NEB: variants seen among roughly 807,000 people sequenced by gnomAD.
NEB encodes the protein nebulin.
A neutral mutation model predicts 952.2 loss-of-function variants in NEB; 512 were observed. The ratio of observed to expected loss-of-function variants is 0.54; its 90% confidence interval spans 0.50 to 0.58. NEB has a LOEUF of 0.58. Ranked by LOEUF, NEB falls within the 20% of genes least tolerant of loss-of-function variation. The probability of loss-of-function intolerance (pLI) is 0.00; values close to 1 mark genes in which losing one functional copy is unlikely to be tolerated. For synonymous variants in NEB, 2,900 were observed against 3,149.8 expected (o/e 0.92, Z 2.66); for missense variants, 8,428 against 9,231.1 (o/e 0.91, Z 3.56).
intron 46 of NEB, among the ~76,000 whole-genome samples, chr2:151,659,641 C>T (rs191576590): frequency 3.9e-5 from 6 of 152,240 alleles, no homozygotes; most frequent in Admixed American, 3.9e-4. Flanking sequence ...TCAAACAATA[C>T]AGCAGGGAGG....
At chr2:151,619,863 G>C (rs2098341715) in intron 72 of NEB, 101 bp from the exon 73 acceptor site, 3 of 1,259,988 alleles carry the variant, frequency 2.4e-6, no homozygotes, top group Non-Finnish European at 3.3e-6. Flanking sequence ...AGGCAACAGA[G>C]GAGTTTCACT....
chr2:151,591,752 A>T (rs2097279815), intron 95 of NEB, among the ~76,000 whole-genome samples: 1 of 152,310 alleles, frequency 6.6e-6, no homozygotes, highest in African/African-American at 2.4e-5. Flanking sequence ...GCAATGATGG[A>T]TGGCCCACTA....
chr2:151,694,041 T>C (rs2099577762), intron 20 of NEB, among the ~76,000 whole-genome samples: 1 of 152,214 alleles, frequency 6.6e-6, no homozygotes, highest in South Asian at 2.1e-4. Flanking sequence ...AGCTCGTTTC[T>C]AGGAAAAATA....
In NEB at chr2:151,656,148, C is replaced by T; in HGVS notation, c.6495+5G>A. On this transcript the variant is annotated splice_donor_5th_base_variant and intron_variant, in intron 49 of 181. Transcript: ENST00000397345. ...AACCATCACCCAAGTAGAAGAAAGCCTTACATCACTCTGTATGCGATTCAT... is the reference window on the plus strand; with the variant it reads ...AACCATCACCCAAGTAGAAGAAAGCTTTACATCACTCTGTATGCGATTCAT... 2 of 1,580,718 alleles carry T rather than the reference C, an allele frequency of 1.3e-6. No homozygotes were observed. Among genetic ancestry groups the T allele is most frequent in the South Asian group, 1.2e-5 (1 of 84,420 alleles).
In NEB at chr2:151,525,562, C is replaced by A. The variant is rs16830143; in HGVS notation, c.22162-289G>T. 2.6e-3 allele frequency among the ~76,000 whole-genome samples: 400 copies of A among 152,126 alleles called. 10 individuals are homozygous for A. In the East Asian group the frequency reaches 0.069, roughly 26 times the overall value. On this transcript the variant is annotated intron_variant, in intron 150 of 181. Coordinates refer to ENST00000397345, the MANE Select transcript of NEB (RefSeq NM_001164508.2). ...GAACCATATGGGACTCATATAATAC[C>A]AAGGTTACTACAGCATTATTGATAA... is the stretch of plus-strand genomic sequence containing the variant.
Position 151,695,319 on chromosome 2 carries a change from T to C in NEB, c.1674+259A>G, listed in dbSNP as rs6736236. Among the ~76,000 whole-genome samples the C allele has an allele frequency of 7.6e-4, 116 of 152,310 alleles. 1 individual carries two copies. Among genetic ancestry groups the C allele is most frequent in the African/African-American group, 2.6e-3 (110 of 41,558 alleles). Reference sequence around the variant, plus strand: ...ATTAAAATTTGCAATTAAGCATACATGAGACGTAGCATTCTGAGGGCTGGT... The same window carrying C: ...ATTAAAATTTGCAATTAAGCATACACGAGACGTAGCATTCTGAGGGCTGGT... On this transcript the variant is annotated intron_variant, in intron 18 of 181. Coordinates refer to ENST00000397345, the MANE Select transcript of NEB (RefSeq NM_001164508.2).
intron 147 of NEB, 120 bp from the exon 148 acceptor site, chr2:151,527,142 A>G: frequency 1.5e-6 from 1 of 678,848 alleles, no homozygotes; most frequent in Non-Finnish European, 2.5e-6. Flanking sequence ...TACCAGAATG[A>G]GGAGAAGAGC....
At chr2:151,535,669 G>T in intron 142 of NEB, 22 bp downstream of exon 142, 1 of 1,457,946 alleles carries the variant, frequency 6.9e-7, no homozygotes, top group Non-Finnish European at 9.5e-7. Flanking sequence ...AGGCTTAATT[G>T]GAGCAGTTTA....
chr2:151,512,234 C>T (rs1485430595), intron 161 of NEB, among the ~76,000 whole-genome samples: 6 of 151,964 alleles, frequency 3.9e-5, no homozygotes, highest in Admixed American at 2.0e-4. Flanking sequence ...TAGAGTTTCA[C>T]CGTGTTAGCC....
chr2:151,670,284 G>A (rs1328115185), intron 38 of NEB, among the ~76,000 whole-genome samples: 1 of 152,088 alleles, frequency 6.6e-6, no homozygotes, highest in Non-Finnish European at 1.5e-5. Context: ...CCAAAATCTG[G>A]GGCTAAAATA....
chr2:151,549,527 A>C, intron 130 of NEB, 109 bp downstream of exon 130: 1 of 750,806 alleles, frequency 1.3e-6, no homozygotes, highest in Admixed American at 2.1e-5. Context: ...TCATTCTATC[A>C]GGTTGAACCT....
chr2:151,630,906 T>A lies in NEB; in HGVS notation c.9619-87A>T. ...TTTAAAACTGTTATTACTGACCTAA[T>A]TAGGAAAAATAAGCCAGACTTGAAT... On this transcript the variant is annotated intron_variant, in intron 66 of 181. Coordinates refer to ENST00000397345, the MANE Select transcript of NEB (RefSeq NM_001164508.2). 3.1e-6 allele frequency: 4 copies of A among 1,284,712 alleles called. 1 individual carries two copies. The South Asian group carries it at 6.3e-5, about 20-fold the overall frequency. The allele number at this position is 1,284,712 out of a possible 1,614,324, so 79.6% of individuals were successfully genotyped here. A position where few individuals can be genotyped will look rare whatever the true frequency, so the allele number is the denominator to read the frequency against.
At position 151,667,767 on chromosome 2, in the gene NEB, TTAGA is replaced by T. The variant is rs771311726; in HGVS notation, c.4719+33_4719+36del. 3 of 1,557,776 alleles carry T rather than the reference TTAGA, an allele frequency of 1.9e-6. No individual in the cohort carries two copies. The Admixed American group carries it at 5.1e-5, about 26-fold the overall frequency. ...GCTGGTCTTGAACTCCTGAAGTCTT[TTAGA>T]TAGAAAGTTTCCTACTTTTAAGTTA... On this transcript the variant is annotated intron_variant, in intron 40 of 181. Transcript: ENST00000397345.
At position 151,612,294 on chromosome 2, in the gene NEB, G is replaced by T. The variant is rs755871388; in HGVS notation, c.11697C>A (p.Ile3899=). 3.5e-5 allele frequency: 57 copies of T among 1,613,688 alleles called. No individual in the cohort carries two copies. The highest frequency in any genetic ancestry group is 4.5e-5 in the Non-Finnish European group (53 of 1,179,812). The change falls in exon 78 of 182, where the codon ATC becomes ATA. Residue 3899 remains isoleucine, a synonymous_variant. Coordinates refer to ENST00000397345, the MANE Select transcript of NEB (RefSeq NM_001164508.2). ...GCTGGCGATACTTCCTGTCACTCAG[G>T]ATTTCTCCAGCTCTCTTCACTTTCT... The part of the protein sequence containing the change: ...EVEKVKRAGE[I]LSDRKYRQPA...
chr2:151,562,999 G>T (rs1577675632), intron 119 of NEB, among the ~76,000 whole-genome samples, 191 bp from the exon 120 acceptor site: 6 of 136,570 alleles, frequency 4.4e-5, no homozygotes, highest in African/African-American at 5.3e-5. Context: ...TTCTTCTTTT[G>T]AAATTTCCCA....
intron 161 of NEB, among the ~76,000 whole-genome samples, chr2:151,512,235 C>T (rs1173854536): frequency 6.6e-6 from 1 of 151,894 alleles, no homozygotes; most frequent in Non-Finnish European, 1.5e-5. Context: ...AGAGTTTCAC[C>T]GTGTTAGCCA....
chr2:151,630,124 A>G (rs1430659125), intron 67 of NEB, among the ~76,000 whole-genome samples: 1 of 152,228 alleles, frequency 6.6e-6, no homozygotes, highest in Non-Finnish European at 1.5e-5. Flanking sequence ...ACAAATAAGA[A>G]AAATTAAAAT....
In NEB at chr2:151,639,494, A is replaced by T. The variant is rs1188056694; in HGVS notation, c.8890-110T>A. The T allele has an allele frequency of 3.3e-5, 26 of 782,442 alleles. No individual in the cohort carries two copies. In the East Asian group the frequency reaches 6.8e-4, roughly 20 times the overall value. The allele number at this position is 782,442 out of a possible 1,614,324, so 48.5% of individuals were successfully genotyped here. On this transcript the variant is annotated intron_variant, in intron 62 of 181. Transcript: ENST00000397345. ...AAAAAAAGAAAAGGTTATGTGTTTT[A>T]TACACATTATGTGTTTTATGCACAT...
rs554338455 is a variant in NEB, at chr2:151,535,156, TAGAA to T, written c.21312+531_21312+534del. On this transcript the variant is annotated intron_variant, in intron 142 of 181. Transcript: ENST00000397345. Reference sequence around the variant, plus strand: ...TGGTTACAGGAAAGGCTGGATAAAATAGAAAGAAAAAATTTGGGTGCAGATGGAT... The same window carrying T: ...TGGTTACAGGAAAGGCTGGATAAAATAGAAAAAATTTGGGTGCAGATGGAT... Among the ~76,000 whole-genome samples, 20 of 152,260 alleles carry T rather than the reference TAGAA, an allele frequency of 1.3e-4. No homozygotes were observed. In the South Asian group the frequency reaches 3.7e-3, roughly 28 times the overall value.
Sources: allele counts gnomAD v4.1 joint callset (sites outside exome capture counted in the v4.1 genomes callset), GRCh38; gene constraint gnomAD v4.1.1; transcripts MANE v1.5; gene names NCBI Gene and HGNC (gene_info 2026-07-23, HGNC 2026-07-21).